The following SLC16A10 variants were observed in gnomAD, a reference collection of about 807,000 sequenced individuals.
SLC16A10 encodes monocarboxylate transporter 10.
In SLC16A10, 27 loss-of-function variants were observed where a neutral mutation model predicts 40.0. The ratio of observed to expected loss-of-function variants is 0.67; its 90% confidence interval spans 0.50 to 0.93. The LOEUF is 0.93. Among genes scored for constraint, SLC16A10 ranks in the 40% least tolerant of loss-of-function variants. SLC16A10 has a pLI of 0.00. For missense variants in SLC16A10, 529 were observed against 658.2 expected (o/e 0.80, Z 2.15); for synonymous variants, 213 against 249.8 (o/e 0.85, Z 1.39).
At chr6:111,146,511 T>C (rs1193818153) in intron 1 of SLC16A10, among the ~76,000 whole-genome samples, 1 of 152,040 alleles carries the variant, frequency 6.6e-6, no homozygotes, top group Non-Finnish European at 1.5e-5. Context: ...CCAAGGTGGG[T>C]GGATCACGAG....
intron 1 of SLC16A10, among the ~76,000 whole-genome samples, chr6:111,151,242 G>T (rs1772167005): frequency 6.6e-6 from 1 of 152,050 alleles, no homozygotes; most frequent in African/African-American, 2.4e-5. Context: ...TTATATTCAG[G>T]CATATTGAGT....
chr6:111,104,703 A>G (rs1181241827), intron 1 of SLC16A10, among the ~76,000 whole-genome samples: 1 of 152,170 alleles, frequency 6.6e-6, no homozygotes, highest in Non-Finnish European at 1.5e-5. Context: ...CGCTGAGTCC[A>G]GTGGTGGGGC....
At position 111,172,806 on chromosome 6, in the gene SLC16A10, G is replaced by C; in HGVS notation, c.455G>C (p.Gly152Ala). Residue 152 changes from glycine (G) to alanine (A), a missense_variant, in exon 2 of 6, where the codon GGA becomes GCA. By Grantham distance (60) the Gly-to-Ala change is moderately conservative (BLOSUM62 0). Transcript: ENST00000368851. ...RKTAVVGAAV[G>A]FVGLMSSSFV... ...ACAGCTGTCGTGGGTGCTGCTGTTGGATTTGTTGGGCTCATGTCCAGTTCT... is the reference window on the plus strand; with the variant it reads ...ACAGCTGTCGTGGGTGCTGCTGTTGCATTTGTTGGGCTCATGTCCAGTTCT... The C allele has an allele frequency of 6.2e-7, 1 of 1,614,040 alleles. No individual in the cohort carries two copies.
chr6:111,132,592 C>A (rs1165915295), intron 1 of SLC16A10, among the ~76,000 whole-genome samples: 1 of 152,208 alleles, frequency 6.6e-6, no homozygotes, highest in Non-Finnish European at 1.5e-5. Context: ...CAAAACTATC[C>A]TAAGTCAAAA....
At chr6:111,109,477 CAG>C (rs1771346610) in intron 1 of SLC16A10, among the ~76,000 whole-genome samples, 2 of 139,158 alleles carry the variant, frequency 1.4e-5, no homozygotes, top group Admixed American at 7.4e-5. Context: ...TTTTTCGAGA[CAG>C]AGTTTTGCTC....
intron 1 of SLC16A10, among the ~76,000 whole-genome samples, chr6:111,151,499 C>G (rs1177493664): frequency 2.6e-5 from 4 of 152,212 alleles, no homozygotes; most frequent in Non-Finnish European, 5.9e-5. Context: ...CTTCTGATTT[C>G]AGACAATTGT....
chr6:111,178,256 C>T, intron 3 of SLC16A10: 1 of 425,766 alleles, frequency 2.3e-6, no homozygotes, highest in South Asian at 1.8e-5. Context: ...ACTTGTGGTA[C>T]ACTTCTGGGA....
At chr6:111,150,165 C>T (rs1772148071) in intron 1 of SLC16A10, among the ~76,000 whole-genome samples, 2 of 152,132 alleles carry the variant, frequency 1.3e-5, no homozygotes, top group South Asian at 2.1e-4. Context: ...GGATTAATGC[C>T]GTTGTTGCAG....
chr6:111,179,871 G>A (rs1772758368), intron 3 of SLC16A10, among the ~76,000 whole-genome samples: 1 of 152,214 alleles, frequency 6.6e-6, no homozygotes, highest in South Asian at 2.1e-4. Flanking sequence ...CCATACAGGT[G>A]TTTAAATCTC....
chr6:111,159,777 AG>A (rs1392977444), intron 1 of SLC16A10, among the ~76,000 whole-genome samples: 1 of 152,150 alleles, frequency 6.6e-6, no homozygotes, highest in Admixed American at 6.5e-5. Flanking sequence ...AGTATGTGAA[AG>A]TTCTTGTTGC....
intron 4 of SLC16A10, among the ~76,000 whole-genome samples, chr6:111,212,998 T>C (rs1260606630): frequency 2.0e-5 from 3 of 152,220 alleles, no homozygotes; most frequent in African/African-American, 7.2e-5. Context: ...CCTGTGTTTC[T>C]AGTCACCATT....
chr6:111,095,765 G>A (rs914771440), intron 1 of SLC16A10, among the ~76,000 whole-genome samples: 3 of 152,178 alleles, frequency 2.0e-5, no homozygotes, highest in African/African-American at 4.8e-5. Flanking sequence ...ACTTTCTGTT[G>A]CCTGTTGCCA....
At chr6:111,095,910 A>C (rs1380607396) in intron 1 of SLC16A10, among the ~76,000 whole-genome samples, 4 of 152,220 alleles carry the variant, frequency 2.6e-5, no homozygotes, top group Non-Finnish European at 4.4e-5. Flanking sequence ...TCATAACACT[A>C]TGAAAATGGA....
intron 1 of SLC16A10, among the ~76,000 whole-genome samples, chr6:111,101,974 C>T (rs1255783566): frequency 1.3e-5 from 2 of 152,126 alleles, no homozygotes; most frequent in East Asian, 1.9e-4. Context: ...TTTCAGTAAA[C>T]GTTTTTTAAG....
Position 111,227,168 on chromosome 6 carries a change from G to C in SLC16A10, c.*4933G>C, listed in dbSNP as rs1166391101. On this transcript the variant is annotated 3_prime_UTR_variant, in exon 6 of 6. Coordinates refer to ENST00000368851, the MANE Select transcript of SLC16A10 (RefSeq NM_018593.5). ...TTTGTTCTGCTCTACTATACATGCTGACTTTTGTTGATAGCTTGGTCTAAA... is the reference window on the plus strand; with the variant it reads ...TTTGTTCTGCTCTACTATACATGCTCACTTTTGTTGATAGCTTGGTCTAAA... 1 of 152,204 alleles carries C rather than the reference G, an allele frequency of 6.6e-6. No individual in the cohort carries two copies. Among genetic ancestry groups the C allele is most frequent in the East Asian group, 1.9e-4 (1 of 5,200 alleles). 9.4% of individuals were successfully genotyped at this position (152,204 alleles called of 1,614,324 possible). A position where few individuals can be genotyped will look rare whatever the true frequency, so the allele number is the denominator to read the frequency against.
rs111704998 is a variant in SLC16A10, at chr6:111,106,633, T to C, written c.343+18538T>C. ...CACTAATCTTTGGATAATCACTCTA[T>C]TGAGCTGGAACTATCCTTAGTATTT... On this transcript the variant is annotated intron_variant, in intron 1 of 5. Transcript: ENST00000368851. Among the ~76,000 whole-genome samples the C allele has an allele frequency of 2.6e-3, 389 of 152,314 alleles. 3 individuals are homozygous for C. The highest frequency in any genetic ancestry group is 8.9e-3 in the African/African-American group (368 of 41,558).
chr6:111,122,639 T>C (rs990605414), intron 1 of SLC16A10, among the ~76,000 whole-genome samples: 1 of 152,218 alleles, frequency 6.6e-6, no homozygotes, highest in African/African-American at 2.4e-5. Context: ...TCAGCTCAGC[T>C]TCCTGCTTCC....
chr6:111,144,558 CA>C (rs1321936090), intron 1 of SLC16A10, among the ~76,000 whole-genome samples: 1 of 152,158 alleles, frequency 6.6e-6, no homozygotes, highest in Admixed American at 6.5e-5. Context: ...AAATAAAAAA[CA>C]AATCACTGTC....
chr6:111,225,841 C>G lies in SLC16A10; in HGVS notation c.*3606C>G, dbSNP rs141239638. 6.6e-6 allele frequency: 1 copy of G among 152,128 alleles called. No homozygotes were observed. Among genetic ancestry groups the G allele is most frequent in the Non-Finnish European group, 1.5e-5 (1 of 68,032 alleles). The allele number at this position is 152,128 out of a possible 1,614,324, so 9.4% of individuals were successfully genotyped here. On this transcript the variant is annotated 3_prime_UTR_variant, in exon 6 of 6. Transcript: ENST00000368851. ...TGTACCTTTTGTCTTACTCTTCTTA[C>G]ATTATTCTTATCCTCATCATTTTTT...
Sources: gnomAD v4.1 joint callset for allele counts (sites outside exome capture counted in the v4.1 genomes callset) on GRCh38, gnomAD v4.1.1 for gene constraint, MANE v1.5 for transcripts, NCBI Gene and HGNC (gene_info 2026-07-23, HGNC 2026-07-21) for gene names.